The following PPP3CB variants were observed in gnomAD, a reference collection of about 807,000 sequenced individuals.
PPP3CB encodes serine/threonine-protein phosphatase 2B catalytic subunit beta isoform.
PPP3CB carries 8 observed loss-of-function variants against 66.4 expected under a neutral mutation model. That is an observed-to-expected ratio of 0.12 (90% CI 0.07 to 0.22). The LOEUF (loss-of-function observed/expected upper bound fraction) is 0.22, where lower values mean the gene tolerates loss of function less well. Among genes scored for constraint, PPP3CB ranks in the 10% least tolerant of loss-of-function variants. The probability of loss-of-function intolerance (pLI) is 1.00; values close to 1 mark genes in which losing one functional copy is unlikely to be tolerated. For synonymous variants in PPP3CB, 208 were observed against 221.2 expected (o/e 0.94, Z 0.53); for missense variants, 319 against 642.5 (o/e 0.50, Z 5.44).
chr10:73,495,545 C>T (rs940271471), intron 1 of PPP3CB: 13 of 295,152 alleles, frequency 4.4e-5, no homozygotes, highest in East Asian at 7.8e-5. Context: ...CTCACTGCAG[C>T]TAACAGCCTC....
chr10:73,482,219 C>T (rs2056890716), intron 1 of PPP3CB, among the ~76,000 whole-genome samples: 1 of 147,908 alleles, frequency 6.8e-6, no homozygotes, highest in Non-Finnish European at 1.5e-5. Context: ...TTTTTTTTAG[C>T]ACTCTACTTG....
chr10:73,491,590 AGCT>A (rs1342328872), intron 1 of PPP3CB, among the ~76,000 whole-genome samples: 3 of 152,244 alleles, frequency 2.0e-5, no homozygotes, highest in Non-Finnish European at 2.9e-5. Flanking sequence ...TTAAAATTCA[AGCT>A]GCTTTAAAAT....
chr10:73,453,549 C>G, intron 10 of PPP3CB, among the ~76,000 whole-genome samples: 1 of 152,090 alleles, frequency 6.6e-6, no homozygotes, highest in South Asian at 2.1e-4. Flanking sequence ...AGGCGTGAGC[C>G]ACCACATCTA....
chr10:73,440,167 AC>A (rs2056122230), intron 12 of PPP3CB, among the ~76,000 whole-genome samples: 1 of 152,176 alleles, frequency 6.6e-6, no homozygotes, highest in Non-Finnish European at 1.5e-5. Flanking sequence ...ACACCTCAGC[AC>A]CCATGCAAAT....
intron 12 of PPP3CB, among the ~76,000 whole-genome samples, chr10:73,443,005 C>T (rs1378728170): frequency 9.5e-5 from 14 of 147,284 alleles, no homozygotes; most frequent in Admixed American, 8.9e-4. Flanking sequence ...CCAGCCTGGG[C>T]AATACAAAAA....
chr10:73,455,551 G>A (rs1277147612), intron 9 of PPP3CB, among the ~76,000 whole-genome samples: 1 of 152,034 alleles, frequency 6.6e-6, no homozygotes, highest in African/African-American at 2.4e-5. Context: ...GGCTCTAGAT[G>A]TCCTTGGCTA....
chr10:73,495,712 T>C, intron 1 of PPP3CB, 93 bp downstream of exon 1: 1 of 1,471,104 alleles, frequency 6.8e-7, no homozygotes, highest in Non-Finnish European at 9.1e-7. Flanking sequence ...CGCCCGCCCT[T>C]CCGGGCCCAC....
intron 1 of PPP3CB, among the ~76,000 whole-genome samples, chr10:73,487,249 T>C (rs2056993847): frequency 6.6e-6 from 1 of 151,832 alleles, no homozygotes; most frequent in Non-Finnish European, 1.5e-5. Flanking sequence ...TCAAAACCTA[T>C]CTAAAACTTA....
intron 10 of PPP3CB, chr10:73,448,562 A>G (rs2056296416): frequency 2.0e-6 from 1 of 512,130 alleles, no homozygotes. Flanking sequence ...GCCCAAGAGG[A>G]CTCTGCATAG....
At chr10:73,471,648 A>G (rs770645513) in intron 4 of PPP3CB, 35 bp from the exon 5 acceptor site, 41 of 1,517,886 alleles carry the variant, frequency 2.7e-5, no homozygotes, top group Non-Finnish European at 3.6e-5. Flanking sequence ...AAATTACATT[A>G]CTGGTGGTGG....
intron 8 of PPP3CB, 67 bp downstream of exon 8, chr10:73,470,620 T>C: frequency 1.0e-6 from 1 of 977,854 alleles, no homozygotes. Flanking sequence ...CCCTTTTTTA[T>C]TATATTAAAA....
At chr10:73,460,934 G>A (rs2056510737) in intron 9 of PPP3CB, among the ~76,000 whole-genome samples, 1 of 152,232 alleles carries the variant, frequency 6.6e-6, no homozygotes, top group Non-Finnish European at 1.5e-5. Context: ...GACACTACTA[G>A]GGCAGTGCCA....
At chr10:73,464,655 T>C (rs970018499) in intron 9 of PPP3CB, among the ~76,000 whole-genome samples, 15 of 152,228 alleles carry the variant, frequency 9.9e-5, no homozygotes, top group African/African-American at 3.6e-4. Flanking sequence ...ATAAACGTTT[T>C]TGGCAGTGGC....
At chr10:73,478,176 A>C (rs954014155) in intron 3 of PPP3CB, among the ~76,000 whole-genome samples, 1 of 152,210 alleles carries the variant, frequency 6.6e-6, no homozygotes, top group Non-Finnish European at 1.5e-5. Flanking sequence ...CACATGGTTT[A>C]ATGCCTTTAG....
At chr10:73,481,647 C>T (rs1044608228) in intron 1 of PPP3CB, among the ~76,000 whole-genome samples, 1 of 139,104 alleles carries the variant, frequency 7.2e-6, no homozygotes, top group African/African-American at 3.2e-5. Flanking sequence ...AAAAAAAAAA[C>T]TAGGTTAGAT....
intron 1 of PPP3CB, among the ~76,000 whole-genome samples, chr10:73,492,281 GCTCT>G (rs542951128): frequency 6.9e-4 from 105 of 152,268 alleles, no homozygotes; most frequent in African/African-American, 2.4e-3. Context: ...TACTGACAAT[GCTCT>G]CTAAGTAAAA....
In PPP3CB at chr10:73,495,937, CGGGGG is replaced by C; in HGVS notation, c.-53_-49del. Reference sequence around the variant, plus strand: ...GCTCTGGGCCGGGCGGGGTTGGGGGCGGGGGCGGCGGCTACCAGAGCCAAGCGGCG... The same window carrying C: ...GCTCTGGGCCGGGCGGGGTTGGGGGCCGGCGGCTACCAGAGCCAAGCGGCG... On this transcript the variant is annotated 5_prime_UTR_variant, in exon 1 of 14. Transcript: ENST00000360663. 2 of 173,176 alleles carry C rather than the reference CGGGGG, an allele frequency of 1.2e-5. No homozygotes were observed. Among genetic ancestry groups the C allele is most frequent in the Non-Finnish European group, 2.0e-5 (2 of 99,006 alleles). The allele number at this position is 173,176 out of a possible 1,614,324, so 10.7% of individuals were successfully genotyped here.
intron 1 of PPP3CB, among the ~76,000 whole-genome samples, chr10:73,485,253 A>C (rs1364541225): frequency 6.6e-6 from 1 of 152,118 alleles, no homozygotes; most frequent in Admixed American, 6.5e-5. Flanking sequence ...TATGGTGGCT[A>C]AAAAAACAAG....
intron 1 of PPP3CB, 45 bp downstream of exon 1, chr10:73,495,760 G>A: frequency 6.5e-7 from 1 of 1,544,138 alleles, no homozygotes; most frequent in Non-Finnish European, 8.8e-7. Context: ...CTCACACACA[G>A]CTAGCTCTTC....
Sources: gnomAD v4.1 joint callset for allele counts (sites outside exome capture counted in the v4.1 genomes callset) on GRCh38, gnomAD v4.1.1 for gene constraint, MANE v1.5 for transcripts, NCBI Gene and HGNC (gene_info 2026-07-23, HGNC 2026-07-21) for gene names.